MAPK1IP1L: variants seen among roughly 807,000 people sequenced by gnomAD.
The protein encoded by MAPK1IP1L is MAPK-interacting and spindle-stabilizing protein-like.
In MAPK1IP1L, 10 loss-of-function variants were observed where a neutral mutation model predicts 18.1. The observed-to-expected ratio is 0.55, with a 90% confidence interval of 0.34 to 0.94. The LOEUF is 0.94. MAPK1IP1L is among the 40% of genes least tolerant of loss of function. The pLI is 0.02. For synonymous variants in MAPK1IP1L, 115 were observed against 117.3 expected, an observed-to-expected ratio of 0.98 and a Z score of 0.13; for missense variants, 260 against 318.2, an observed-to-expected ratio of 0.82 and a Z score of 1.39.
Position 55,061,657 on chromosome 14 carries a change from C to T in MAPK1IP1L, c.-4-23C>T. 3.3e-6 allele frequency: 5 copies of T among 1,524,222 alleles called. No homozygotes were observed. In the South Asian group the frequency reaches 6.1e-5, roughly 19 times the overall value. 94.4% of individuals were successfully genotyped at this position (1,524,222 alleles called of 1,614,324 possible). On this transcript the variant is annotated intron_variant, in intron 1 of 3. Coordinates refer to ENST00000395468, the MANE Select transcript of MAPK1IP1L (RefSeq NM_144578.4). ...CTGATTTTGAAATTTTTCTTTCTTC[C>T]TTCATTTCTTTTCTTTTTTTAGGAA...
In MAPK1IP1L at chr14:55,067,919, C is replaced by G. The variant is rs2042877545; in HGVS notation, c.*3292C>G. 1 of 152,124 alleles carries G rather than the reference C, an allele frequency of 6.6e-6. No homozygotes were observed. Among genetic ancestry groups the G allele is most frequent in the African/African-American group, 2.4e-5 (1 of 41,414 alleles). The allele number at this position is 152,124 out of a possible 1,614,324, so 9.4% of individuals were successfully genotyped here. ...GAATGCTGTTTCTTGGAGTTGGAAG[C>G]TTAGGTTTTGAAATGTTGAAACCAA... On this transcript the variant is annotated 3_prime_UTR_variant, in exon 4 of 4. Coordinates refer to ENST00000395468, the MANE Select transcript of MAPK1IP1L (RefSeq NM_144578.4).
chr14:55,059,423 G>A (rs540764686), intron 1 of MAPK1IP1L, among the ~76,000 whole-genome samples: 3 of 152,142 alleles, frequency 2.0e-5, no homozygotes, highest in South Asian at 2.1e-4. Flanking sequence ...CTTGAGCTCC[G>A]GAGTTCAAGA....
intron 1 of MAPK1IP1L, among the ~76,000 whole-genome samples, chr14:55,058,666 A>C (rs2140258901): frequency 6.6e-6 from 1 of 152,274 alleles, no homozygotes; most frequent in East Asian, 1.9e-4. Flanking sequence ...CCCTGTCTCT[A>C]TTAAAAATAC....
intron 1 of MAPK1IP1L, among the ~76,000 whole-genome samples, chr14:55,057,734 G>A (rs377482643): frequency 1.6e-3 from 233 of 149,728 alleles, no homozygotes; most frequent in African/African-American, 5.4e-3. Context: ...CCAGTCTGGC[G>A]ACAGAGCGAG....
At chr14:55,059,815 A>G (rs1331154968) in intron 1 of MAPK1IP1L, among the ~76,000 whole-genome samples, 1 of 148,936 alleles carries the variant, frequency 6.7e-6, no homozygotes, top group Non-Finnish European at 1.5e-5. Flanking sequence ...TGCACAGTAC[A>G]CCACCATGTT....
chr14:55,063,390 C>A, intron 3 of MAPK1IP1L, 65 bp downstream of exon 3: 1 of 1,386,410 alleles, frequency 7.2e-7, no homozygotes, highest in East Asian at 2.3e-5. Context: ...ATTGTTTCTC[C>A]CCAGTTTTGG....
rs778980665 is a variant in MAPK1IP1L at position 55,051,730 on chromosome 14, C to A, written c.-78C>A. On this transcript the variant is annotated 5_prime_UTR_variant, in exon 1 of 4. Transcript: ENST00000395468. ...TCTAGCTGCCGTCAGTCAGGCTGCG[C>A]CCGCGTCTTCAGGGCCCAGTCCCTC... is the stretch of plus-strand genomic sequence containing the variant. 1.9e-6 allele frequency: 1 copy of A among 516,082 alleles called. No homozygotes were observed. The highest frequency in any genetic ancestry group is 1.9e-5 in the African/African-American group (1 of 51,510). The allele number at this position is 516,082 out of a possible 1,614,324, so 32.0% of individuals were successfully genotyped here.
intron 1 of MAPK1IP1L, among the ~76,000 whole-genome samples, chr14:55,056,667 G>T (rs577927463): frequency 6.6e-6 from 1 of 152,094 alleles, no homozygotes; most frequent in Non-Finnish European, 1.5e-5. Context: ...CCACCATTAT[G>T]CCTGGCTAAT....
Position 55,061,681 on chromosome 14 carries a change from A to G in MAPK1IP1L, c.-3A>G. The G allele has an allele frequency of 6.4e-7, 1 of 1,562,180 alleles. No homozygotes were observed. The highest frequency in any genetic ancestry group is 1.8e-5 in the Admixed American group (1 of 54,266). On this transcript the variant is annotated splice_region_variant and 5_prime_UTR_variant, in exon 2 of 4. Transcript: ENST00000395468. ...CCTTCATTTCTTTTCTTTTTTTAGGAAAATGTCTGATGAATTTTCGGTAAG... is the reference window on the plus strand; with the variant it reads ...CCTTCATTTCTTTTCTTTTTTTAGGGAAATGTCTGATGAATTTTCGGTAAG...
chr14:55,060,367 G>C (rs571989133), intron 1 of MAPK1IP1L: 9 of 152,066 alleles, frequency 5.9e-5, no homozygotes, highest in Non-Finnish European at 1.3e-4. Context: ...AGTAGAGACG[G>C]GGTTTCACCG....
At chr14:55,064,416 T>C (rs933345080) in intron 3 of MAPK1IP1L, among the ~76,000 whole-genome samples, 200 bp from the exon 4 acceptor site, 1 of 152,146 alleles carries the variant, frequency 6.6e-6, no homozygotes, top group Non-Finnish European at 1.5e-5. Flanking sequence ...CCCTAAAACT[T>C]CCTCCTTGCA....
At chr14:55,060,292 C>T (rs2042807468) in intron 1 of MAPK1IP1L, 1 of 150,792 alleles carries the variant, frequency 6.6e-6, no homozygotes, top group Non-Finnish European at 1.5e-5. Context: ...CTGCCTCAGC[C>T]TCCCAAGTAG....
chr14:55,065,449 C>G lies in MAPK1IP1L; in HGVS notation c.*822C>G, dbSNP rs1392194791. ...TAATTCTCTCCTTTGTTTTGAACCT[C>G]AAACTAGATAAACCCTAGGAATTGC... On this transcript the variant is annotated 3_prime_UTR_variant, in exon 4 of 4. Coordinates refer to ENST00000395468, the MANE Select transcript of MAPK1IP1L (RefSeq NM_144578.4). 1 of 152,186 alleles carries G rather than the reference C, an allele frequency of 6.6e-6. No individual in the cohort carries two copies. Among genetic ancestry groups the G allele is most frequent in the African/African-American group, 2.4e-5 (1 of 41,438 alleles). The allele number at this position is 152,186 out of a possible 1,614,324, so 9.4% of individuals were successfully genotyped here. A position where few individuals can be genotyped will look rare whatever the true frequency, so the allele number is the denominator to read the frequency against.
chr14:55,062,564 T>A, intron 2 of MAPK1IP1L, 54 bp from the exon 3 acceptor site: 1 of 1,396,780 alleles, frequency 7.2e-7, no homozygotes, highest in Admixed American at 2.1e-5. Context: ...TTTATAATGG[T>A]GTTCGATGTA....
chr14:55,059,225 G>GAAAAAAAAAAAAAAAAAAAAAAAAACAA (rs3078612), intron 1 of MAPK1IP1L, among the ~76,000 whole-genome samples: 4 of 63,278 alleles, frequency 6.3e-5, no homozygotes, highest in Non-Finnish European at 9.2e-5. Context: ...AGGAAAATCT[G>GAAAAAAAAAAAAAAAAAAAAAAAAACAA]AAAAAAAAAA....
At chr14:55,063,844 A>G (rs748871272) in intron 3 of MAPK1IP1L, 1 of 152,834 alleles carries the variant, frequency 6.5e-6, no homozygotes, top group African/African-American at 2.4e-5. Context: ...TTTATGCTTT[A>G]CTGTCAGACA....
chr14:55,056,316 T>C (rs1485435941), intron 1 of MAPK1IP1L, among the ~76,000 whole-genome samples: 9 of 152,246 alleles, frequency 5.9e-5, no homozygotes. Flanking sequence ...TTTGGTTCAC[T>C]TTGATTCTCA....
intron 1 of MAPK1IP1L, among the ~76,000 whole-genome samples, chr14:55,052,130 C>G (rs1156458186): frequency 2.0e-5 from 3 of 150,872 alleles, no homozygotes; most frequent in Non-Finnish European, 3.0e-5. Flanking sequence ...CTCCCCCACC[C>G]CTTCCCGGCG....
rs759962589 is a variant in MAPK1IP1L at position 55,063,036 on chromosome 14, G to T, written c.437G>T (p.Gly146Val). The T allele has an allele frequency of 1.4e-5, 23 of 1,613,858 alleles. No individual in the cohort carries two copies. The highest frequency in any genetic ancestry group is 1.8e-5 in the Non-Finnish European group (21 of 1,179,956). ...PAAAGPLGPWGSMSSGPWAPG... is the reference protein window; with the variant it reads ...PAAAGPLGPWVSMSSGPWAPG... ...GCAGCTGGTCCTTTAGGTCCATGGG[G>T]ATCCATGTCTTCTGGACCTTGGGCG... Residue 146 changes from glycine to valine, a missense_variant, in exon 3 of 4, where the codon GGA becomes GTA. Physicochemically the swap from Gly to Val is moderately radical, Grantham distance 109 (BLOSUM62 -3). Coordinates refer to ENST00000395468, the MANE Select transcript of MAPK1IP1L (RefSeq NM_144578.4).
Sources: gnomAD v4.1 joint callset for allele counts (sites outside exome capture counted in the v4.1 genomes callset) on GRCh38, gnomAD v4.1.1 for gene constraint, MANE v1.5 for transcripts, NCBI Gene and HGNC (gene_info 2026-07-23, HGNC 2026-07-21) for gene names.